The following ZNF157 variants were observed in gnomAD, a reference collection of about 807,000 sequenced individuals.
ZNF157 encodes zinc finger protein 22.
In ZNF157, 8 loss-of-function variants were observed where a neutral mutation model predicts 9.4. The ratio of observed to expected loss-of-function variants is 0.85; its 90% CI spans 0.50 to 1.53. The LOEUF (loss-of-function observed/expected upper bound fraction) is 1.53. ZNF157 is among the 40% of genes most tolerant of loss of function. The pLI, the probability that ZNF157 is intolerant of heterozygous loss-of-function variation, is 0.00. For synonymous variants in ZNF157, 120 were observed against 130.8 expected, an observed-to-expected ratio of 0.92 and a Z score of 0.56; for missense variants, 316 against 385.2, an observed-to-expected ratio of 0.82 and a Z score of 1.50.
chrX:47,384,822 A>T (rs752155914), intron 1 of ZNF157, among the ~76,000 whole-genome samples: 1 of 112,555 alleles, frequency 8.9e-6, no homozygotes, highest in East Asian at 2.8e-4. Context: ...GAAACCTAAA[A>T]TATCCATGAT....
rs778759924 is a variant in ZNF157, at chrX:47,373,176, G to A, written c.72+2436G>A. ...GTCGCACCACTGCACTCTAGCCTGGGCAAAAGAGCGAGACTCTGTCTTAAA... is the reference window on the plus strand; with the variant it reads ...GTCGCACCACTGCACTCTAGCCTGGACAAAAGAGCGAGACTCTGTCTTAAA... On this transcript the variant is annotated intron_variant, in intron 1 of 3. Coordinates refer to ENST00000377073, the MANE Select transcript of ZNF157 (RefSeq NM_003446.4). Among the ~76,000 whole-genome samples, 18 of 104,926 alleles carry A rather than the reference G, an allele frequency of 1.7e-4. No individual in the cohort carries two copies. The South Asian group carries it at 2.3e-3, about 13-fold the overall frequency. 91.1% of individuals were successfully genotyped at this position (104,926 alleles called of 115,157 possible).
chrX:47,383,236 G>A (rs1425837767), intron 1 of ZNF157, among the ~76,000 whole-genome samples: 2 of 107,216 alleles, frequency 1.9e-5, no homozygotes, highest in Non-Finnish European at 3.8e-5. Flanking sequence ...GCCAGGCGTG[G>A]TGGCGGGCAC....
intron 1 of ZNF157, among the ~76,000 whole-genome samples, chrX:47,404,508 A>G (rs1017287715): frequency 7.2e-5 from 8 of 111,023 alleles, no homozygotes; most frequent in African/African-American, 2.3e-4. Flanking sequence ...AGCCATAAAA[A>G]GTAACCAAAT....
At chrX:47,407,954 A>C (rs1035280372) in intron 1 of ZNF157, among the ~76,000 whole-genome samples, 2 of 111,765 alleles carry the variant, frequency 1.8e-5, no homozygotes, top group Non-Finnish European at 3.8e-5. Context: ...TTGCATTGCT[A>C]TAAAGAAATA....
chrX:47,393,255 T>TG lies in ZNF157; in HGVS notation c.73-17020dup, dbSNP rs765505626. On this transcript the variant is annotated intron_variant, in intron 1 of 3. Coordinates refer to ENST00000377073, the MANE Select transcript of ZNF157 (RefSeq NM_003446.4). Reference sequence around the variant, plus strand: ...CCTTGGAGTCATTCTTCCTTTGTGTTGCAGGTAGCACATGCTTATAACCAG... The same window carrying TG: ...CCTTGGAGTCATTCTTCCTTTGTGTTGGCAGGTAGCACATGCTTATAACCAG... Among the ~76,000 whole-genome samples, 295 of 112,356 alleles carry TG rather than the reference T, an allele frequency of 2.6e-3. 1 individual carries two copies. Among genetic ancestry groups the TG allele is most frequent in the Non-Finnish European group, 4.2e-3 (221 of 53,242 alleles).
At chrX:47,379,724 C>CTTTTTTTTTT (rs200985634) in intron 1 of ZNF157, among the ~76,000 whole-genome samples, 2 of 62,762 alleles carry the variant, frequency 3.2e-5, no homozygotes, top group African/African-American at 6.6e-5. Context: ...TGTCTAGATG[C>CTTTTTTTTTT]TTTTTTTTTT....
chrX:47,373,746 C>T (rs1022924962), intron 1 of ZNF157, among the ~76,000 whole-genome samples: 5 of 106,525 alleles, frequency 4.7e-5, no homozygotes, highest in African/African-American at 1.7e-4. Context: ...TCTCTGTCGC[C>T]CAGGCTGGAG....
intron 1 of ZNF157, among the ~76,000 whole-genome samples, chrX:47,393,300 T>C (rs2055902948): frequency 8.9e-6 from 1 of 112,293 alleles, no homozygotes; most frequent in Middle Eastern, 4.2e-3. Context: ...TCAGCCCATT[T>C]CCTGCCTATA....
At chrX:47,377,961 C>G (rs946004924) in intron 1 of ZNF157, among the ~76,000 whole-genome samples, 1 of 109,866 alleles carries the variant, frequency 9.1e-6, no homozygotes, top group Non-Finnish European at 1.9e-5. Context: ...GTTTTGGATA[C>G]TGTAACCTCC....
chrX:47,370,771 T>C, intron 1 of ZNF157, 31 bp downstream of exon 1: 1 of 1,077,292 alleles, frequency 9.3e-7, no homozygotes. Context: ...TTTTTCTATA[T>C]GTTCTTTATT....
At chrX:47,377,124 C>A (rs1010112549) in intron 1 of ZNF157, among the ~76,000 whole-genome samples, 1 of 110,207 alleles carries the variant, frequency 9.1e-6, no homozygotes, top group African/African-American at 3.3e-5. Context: ...TTGTGGCCCC[C>A]ACCCAGGAAC....
At position 47,413,701 on chromosome X, in the gene ZNF157, G is replaced by T. The variant is rs916919156; in HGVS notation, c.*107G>T. 9.2e-7 allele frequency: 1 copy of T among 1,088,820 alleles called. No individual in the cohort carries two copies. The highest frequency in any genetic ancestry group is 1.9e-5 in the African/African-American group (1 of 53,696). The allele number at this position is 1,088,820 out of a possible 1,213,427, so 89.7% of individuals were successfully genotyped here. A position where few individuals can be genotyped will look rare whatever the true frequency, so the allele number is the denominator to read the frequency against. On this transcript the variant is annotated 3_prime_UTR_variant, in exon 4 of 4. Coordinates refer to ENST00000377073, the MANE Select transcript of ZNF157 (RefSeq NM_003446.4). ...CTACATTTGTATCAAAGTATGTCCT[G>T]ATCCCCTTAGGGGATAGCTCATTGT...
At chrX:47,373,612 C>T (rs748653436) in intron 1 of ZNF157, among the ~76,000 whole-genome samples, 1 of 110,991 alleles carries the variant, frequency 9.0e-6, no homozygotes, top group East Asian at 2.8e-4. Context: ...TAAAGAAAGA[C>T]AGACCTATAA....
At chrX:47,393,745 T>TCCCCCCCC (rs1569258580) in intron 1 of ZNF157, among the ~76,000 whole-genome samples, 3 of 48,905 alleles carry the variant, frequency 6.1e-5, no homozygotes, top group African/African-American at 1.7e-4. Context: ...CCCCCGCCCT[T>TCCCCCCCC]TTTTTTTTTT....
chrX:47,387,407 G>A (rs1171097476), intron 1 of ZNF157, among the ~76,000 whole-genome samples: 1 of 109,676 alleles, frequency 9.1e-6, no homozygotes, highest in Non-Finnish European at 1.9e-5. Context: ...ACAGGCATGA[G>A]CCACCATGCC....
chrX:47,376,245 G>A (rs1329491250), intron 1 of ZNF157, among the ~76,000 whole-genome samples: 3 of 112,175 alleles, frequency 2.7e-5, no homozygotes, highest in Non-Finnish European at 5.6e-5. Context: ...ATTTTTGTGT[G>A]AACATGTTTT....
At position 47,381,334 on chromosome X, in the gene ZNF157, G is replaced by C. The variant is rs148052250; in HGVS notation, c.72+10594G>C. Among the ~76,000 whole-genome samples the C allele has an allele frequency of 9.7e-4, 108 of 111,114 alleles. No homozygotes were observed. The East Asian group carries it at 0.029, about 30-fold the overall frequency. On this transcript the variant is annotated intron_variant, in intron 1 of 3. Coordinates refer to ENST00000377073, the MANE Select transcript of ZNF157 (RefSeq NM_003446.4). ...GGGGTTTGAGGGGGGGTGCTCTCCT[G>C]CTCTGCTCATGTCTAACTACCTAAC...
At chrX:47,412,308 C>T in intron 3 of ZNF157, 61 bp from the exon 4 acceptor site, 2 of 987,232 alleles carry the variant, frequency 2.0e-6, no homozygotes, top group Non-Finnish European at 2.8e-6. Flanking sequence ...TATACTGTGA[C>T]AAGAGAAGCC....
chrX:47,383,532 C>CA (rs1202408433), intron 1 of ZNF157, among the ~76,000 whole-genome samples: 15 of 99,906 alleles, frequency 1.5e-4, no homozygotes, highest in Admixed American at 3.4e-4. Context: ...CCCATCTCTA[C>CA]AAAAAAAAAA....
Sources: gnomAD v4.1 joint callset for allele counts (sites outside exome capture counted in the v4.1 genomes callset) on GRCh38, gnomAD v4.1.1 for gene constraint, MANE v1.5 for transcripts, NCBI Gene and HGNC (gene_info 2026-07-23, HGNC 2026-07-21) for gene names.